Variants in C7 observed in about 807,000 individuals in gnomAD.
C7 encodes the protein complement component C7.
In C7, 83 loss-of-function variants were observed where a neutral mutation model predicts 104.8. That is an observed-to-expected ratio of 0.79 (90% CI 0.66 to 0.95). The LOEUF is 0.95. Among genes scored for constraint, C7 ranks in the 40% least tolerant of loss-of-function variants. The probability of loss-of-function intolerance (pLI) is 0.00; values close to 1 mark genes in which losing one functional copy is unlikely to be tolerated. For synonymous variants in C7, 415 were observed against 360.6 expected (o/e 1.15, Z -1.71); for missense variants, 1,070 against 1,011.2 (o/e 1.06, Z -0.79).
Position 40,934,398 on chromosome 5 carries a change from A to G in C7, c.212A>G (p.Gln71Arg). 3 of 1,613,760 alleles carry G rather than the reference A, an allele frequency of 1.9e-6. No homozygotes were observed. Among genetic ancestry groups the G allele is most frequent in the Non-Finnish European group, 2.5e-6 (3 of 1,179,712 alleles). ...TGTGTTGGAAATGCTTTTGAAACAC[A>G]GTCCTGTGAACCTACAAGAGGATGT... is the stretch of plus-strand genomic sequence containing the variant. Reference protein sequence around the residue: ...QPCVGNAFETQSCEPTRGCPT... With the variant: ...QPCVGNAFETRSCEPTRGCPT... Residue 71 changes from glutamine (Q) to arginine (R), a missense_variant, in exon 4 of 18, where the codon CAG (glutamine) becomes CGG (arginine). Transcript: ENST00000313164.
At chr5:40,914,938 T>G (rs185277183) in intron 1 of C7, among the ~76,000 whole-genome samples, 4 of 152,206 alleles carry the variant, frequency 2.6e-5, no homozygotes, top group African/African-American at 9.6e-5. Context: ...GGCCCGCATA[T>G]GGATGGTTAA....
chr5:40,959,565 G>C lies in C7; in HGVS notation c.1606G>C (p.Val536Leu). 1 of 1,609,800 alleles carries C rather than the reference G, an allele frequency of 6.2e-7. No homozygotes were observed. The highest frequency in any genetic ancestry group is 1.1e-5 in the South Asian group (1 of 90,556). The change falls in exon 12 of 18, where the codon GTT (valine) becomes CTT (leucine). Residue 536 changes from valine to leucine, a missense_variant. Physicochemically the swap from Val to Leu is conservative, Grantham distance 32 (BLOSUM62 1). Coordinates refer to ENST00000313164, the MANE Select transcript of C7 (RefSeq NM_000587.4). ...TCCCAGTGGGGGTGGGAGATCCTGCGTTGGAGAAACGACAGAAAGCACACA... is the reference window on the plus strand; with the variant it reads ...TCCCAGTGGGGGTGGGAGATCCTGCCTTGGAGAAACGACAGAAAGCACACA... ...PPPSGGGRSCVGETTESTQCE... is the reference protein window; with the variant it reads ...PPPSGGGRSCLGETTESTQCE...
At chr5:40,965,713 C>T (rs1384451700) in intron 14 of C7, among the ~76,000 whole-genome samples, 2 of 150,472 alleles carry the variant, frequency 1.3e-5, no homozygotes, top group Non-Finnish European at 2.9e-5. Context: ...GCCATCTTGG[C>T]TCACTGCAAC....
intron 14 of C7, among the ~76,000 whole-genome samples, chr5:40,968,887 T>G (rs944144545): frequency 2.6e-5 from 4 of 151,648 alleles, no homozygotes; most frequent in Admixed American, 2.6e-4. Flanking sequence ...GCTGGGATTA[T>G]AGGTGTGAGC....
At chr5:40,933,571 G>T (rs1026417098) in intron 3 of C7, among the ~76,000 whole-genome samples, 3 of 152,136 alleles carry the variant, frequency 2.0e-5, no homozygotes, top group African/African-American at 7.2e-5. Flanking sequence ...CCCTCAAGAG[G>T]TTTGTATTTT....
Position 40,955,391 on chromosome 5 carries a change from C to G in C7, c.1098C>G (p.Thr366=). The change falls in exon 10 of 18, where the codon ACC becomes ACG. Residue 366 remains threonine, a synonymous_variant. Transcript: ENST00000313164. ...LENALKAASG[T]QNNVLRGEPF... is the part of the protein sequence containing the mutation. ...CATTTGCTTTCTTCTGTATAGGAACCCAGAACAATGTATTGCGAGGAGAAC... is the reference window on the plus strand; with the variant it reads ...CATTTGCTTTCTTCTGTATAGGAACGCAGAACAATGTATTGCGAGGAGAAC... 6.2e-7 allele frequency: 1 copy of G among 1,603,718 alleles called. No individual in the cohort carries two copies. Among genetic ancestry groups the G allele is most frequent in the African/African-American group, 1.3e-5 (1 of 74,432 alleles).
intron 1 of C7, among the ~76,000 whole-genome samples, chr5:40,926,207 A>G (rs1739546153): frequency 1.3e-5 from 2 of 152,230 alleles, no homozygotes; most frequent in Admixed American, 6.5e-5. Context: ...AAGTTCAACA[A>G]CATTTCAAGA....
intron 1 of C7, 94 bp from the exon 2 acceptor site, chr5:40,928,486 G>C: frequency 1.4e-6 from 1 of 710,776 alleles, no homozygotes; most frequent in Non-Finnish European, 2.4e-6. Flanking sequence ...ACATCACTTT[G>C]TACCCCATAA....
At chr5:40,951,357 G>T (rs1474051795) in intron 9 of C7, among the ~76,000 whole-genome samples, 1 of 152,144 alleles carries the variant, frequency 6.6e-6, no homozygotes. Flanking sequence ...CTGTGCAGAT[G>T]CAGGAACAGG....
At chr5:40,941,986 A>AG (rs1313277939) in intron 6 of C7, among the ~76,000 whole-genome samples, 1 of 152,234 alleles carries the variant, frequency 6.6e-6, no homozygotes, top group African/African-American at 2.4e-5. Flanking sequence ...ACAGCCAGAG[A>AG]GAAAAAAAGA....
At position 40,917,648 on chromosome 5, in the gene C7, G is replaced by A. The variant is rs114687629; in HGVS notation, c.6+8032G>A. 2.9e-3 allele frequency among the ~76,000 whole-genome samples: 447 copies of A among 152,144 alleles called. 5 individuals are homozygous for A. Among genetic ancestry groups the A allele is most frequent in the African/African-American group, 0.01 (422 of 41,494 alleles). ...TTTACTTTGGCTATATACCCTGTAG[G>A]GGATTGCTGAATCATATGCTTGTTC... On this transcript the variant is annotated intron_variant, in intron 1 of 17. Coordinates refer to ENST00000313164, the MANE Select transcript of C7 (RefSeq NM_000587.4).
At chr5:40,970,325 A>G (rs1740672053) in intron 14 of C7, among the ~76,000 whole-genome samples, 1 of 152,158 alleles carries the variant, frequency 6.6e-6, no homozygotes, top group African/African-American at 2.4e-5. Context: ...GATATTAGCA[A>G]GATTTTTTTT....
chr5:40,909,642 G>T, intron 1 of C7, 26 bp downstream of exon 1: 2 of 1,495,768 alleles, frequency 1.3e-6, no homozygotes, highest in South Asian at 1.3e-5. Flanking sequence ...CATTACTTTT[G>T]TAAATGAAGC....
intron 5 of C7, among the ~76,000 whole-genome samples, chr5:40,936,808 G>C (rs549705030): frequency 1.3e-5 from 2 of 152,054 alleles, no homozygotes; most frequent in South Asian, 2.1e-4. Context: ...GAGAGAGAGA[G>C]AAAAAATACT....
intron 7 of C7, among the ~76,000 whole-genome samples, chr5:40,945,902 A>ATATATATATG (rs1342750718): frequency 7.3e-6 from 1 of 136,570 alleles, no homozygotes; most frequent in African/African-American, 2.9e-5. Context: ...ATATATATAT[A>ATATATATATG]TATATATGTA....
At chr5:40,917,738 G>C (rs1413538239) in intron 1 of C7, among the ~76,000 whole-genome samples, 2 of 152,162 alleles carry the variant, frequency 1.3e-5, no homozygotes, top group East Asian at 3.8e-4. Context: ...AAGATAAGCA[G>C]AGTCACTTAG....
intron 14 of C7, among the ~76,000 whole-genome samples, chr5:40,968,074 A>C (rs6451551): frequency 0.77 from 117,695 of 152,038 alleles, 45,574 homozygotes; most frequent in South Asian, 0.92. Context: ...TTTTAACATC[A>C]TTTTTTTGTT....
At position 40,984,057 on chromosome 5, in the gene C7, C is replaced by T. The variant is rs190018247; in HGVS notation, c.*2484C>T. Reference sequence around the variant, plus strand: ...GATCATCGCTTACCACTCATGAGGACGCTACAAGTTACCTGGGCAGAGAAG... The same window carrying T: ...GATCATCGCTTACCACTCATGAGGATGCTACAAGTTACCTGGGCAGAGAAG... On this transcript the variant is annotated 3_prime_UTR_variant, in exon 18 of 18. Coordinates refer to ENST00000313164, the MANE Select transcript of C7 (RefSeq NM_000587.4). Among the ~76,000 whole-genome samples the T allele has an allele frequency of 2.6e-3, 403 of 152,260 alleles. 3 individuals are homozygous for T. The highest frequency in any genetic ancestry group is 9.1e-3 in the African/African-American group (377 of 41,542).
At chr5:40,968,188 C>T (rs948192224) in intron 14 of C7, among the ~76,000 whole-genome samples, 7 of 151,468 alleles carry the variant, frequency 4.6e-5, no homozygotes, top group Non-Finnish European at 8.8e-5. Context: ...TGCAGTGGTG[C>T]GATCTCGGCT....
Sources: allele counts gnomAD v4.1 joint callset (sites outside exome capture counted in the v4.1 genomes callset), GRCh38; gene constraint gnomAD v4.1.1; transcripts MANE v1.5; gene names NCBI Gene and HGNC (gene_info 2026-07-23, HGNC 2026-07-21).